ZNF678: variants seen among roughly 807,000 people sequenced by gnomAD.
ZNF678 encodes zinc finger protein 678, also known as hypothetical protein MGC42493.
A neutral mutation model predicts 3.0 loss-of-function variants in ZNF678; 5 were observed. The observed-to-expected ratio is 1.69, with a 90% CI of 0.88 to 3.56. The LOEUF is 3.56. Among genes scored for constraint, ZNF678 ranks in the 30% most tolerant of loss-of-function variants. The probability of loss-of-function intolerance (pLI) is 0.00; values close to 1 mark genes in which losing one functional copy is unlikely to be tolerated. For synonymous variants in ZNF678, 218 were observed against 199.6 expected, an observed-to-expected ratio of 1.09 and a Z score of -0.78; for missense variants, 593 against 605.0, an observed-to-expected ratio of 0.98 and a Z score of 0.21.
chr1:227,588,049 A>G (rs527780623), intron 1 of ZNF678, among the ~76,000 whole-genome samples: 34 of 152,028 alleles, frequency 2.2e-4, no homozygotes, highest in African/African-American at 6.0e-4. Context: ...TTTCTCATCA[A>G]TTAGCTCCCA....
chr1:227,652,640 C>T (rs1434257656), intron 3 of ZNF678, among the ~76,000 whole-genome samples: 1 of 152,042 alleles, frequency 6.6e-6, no homozygotes, highest in Admixed American at 6.6e-5. Context: ...AGCTTAACTT[C>T]AGTTGCATAC....
In ZNF678 at chr1:227,655,785, C is replaced by T; in HGVS notation, c.1535C>T (p.Thr512Ile). The T allele has an allele frequency of 3.8e-6, 6 of 1,595,824 alleles. No homozygotes were observed. The highest frequency in any genetic ancestry group is 4.3e-6 in the Non-Finnish European group (5 of 1,172,862). Residue 512 changes from threonine to isoleucine, a missense_variant, in exon 4 of 4, where the codon ACT becomes ATT. Transcript: ENST00000343776. ...CATAGTAAGTATAAGAGAATTTATACTGGAGAGGAACCTGACAAATGTAAA... is the reference window on the plus strand; with the variant it reads ...CATAGTAAGTATAAGAGAATTTATATTGGAGAGGAACCTGACAAATGTAAA... ...SIHSKYKRIYTGEEPDKCKKC... is the reference protein window; with the variant it reads ...SIHSKYKRIYIGEEPDKCKKC...
At chr1:227,589,648 G>A (rs576126997) in intron 1 of ZNF678, among the ~76,000 whole-genome samples, 1 of 151,636 alleles carries the variant, frequency 6.6e-6, no homozygotes, top group South Asian at 2.1e-4. Context: ...GAGCAAGCAG[G>A]GGGTGCATGA....
At chr1:227,603,538 G>A (rs1043680193) in intron 1 of ZNF678, among the ~76,000 whole-genome samples, 3 of 152,168 alleles carry the variant, frequency 2.0e-5, no homozygotes, top group Non-Finnish European at 4.4e-5. Context: ...CACTGGGCCC[G>A]ACTCCAGGTG....
chr1:227,593,437 G>T (rs1431640878), intron 1 of ZNF678, among the ~76,000 whole-genome samples: 1 of 152,104 alleles, frequency 6.6e-6, no homozygotes, highest in Admixed American at 6.5e-5. Flanking sequence ...CCCTTTAGTG[G>T]TCCACAGAAT....
At chr1:227,650,223 G>A (rs1659056670) in intron 2 of ZNF678, among the ~76,000 whole-genome samples, 2 of 152,150 alleles carry the variant, frequency 1.3e-5, no homozygotes. Flanking sequence ...TCACTTGCAT[G>A]TAGATATTCT....
At position 227,603,218 on chromosome 1, in the gene ZNF678, C is replaced by T. The variant is rs78965901; in HGVS notation, c.-164+39494C>T. Reference sequence around the variant, plus strand: ...CAGAGCTCCAAATCTGTTCCTCCCACGTCATGATGGGCATGGGGCGGGGGG... The same window carrying T: ...CAGAGCTCCAAATCTGTTCCTCCCATGTCATGATGGGCATGGGGCGGGGGG... On this transcript the variant is annotated intron_variant, in intron 1 of 3. Transcript: ENST00000343776. Among the ~76,000 whole-genome samples the T allele has an allele frequency of 4.2e-3, 642 of 152,250 alleles. 4 individuals are homozygous for T. Among genetic ancestry groups the T allele is most frequent in the African/African-American group, 0.014 (593 of 41,532 alleles).
chr1:227,607,581 C>T (rs990011354), intron 1 of ZNF678, among the ~76,000 whole-genome samples: 2 of 150,746 alleles, frequency 1.3e-5, no homozygotes, highest in Non-Finnish European at 3.0e-5. Flanking sequence ...GATCATTTGA[C>T]GAATCAGTGG....
chr1:227,624,264 A>G (rs1658352468), intron 1 of ZNF678, among the ~76,000 whole-genome samples: 1 of 152,200 alleles, frequency 6.6e-6, no homozygotes, highest in South Asian at 2.1e-4. Flanking sequence ...ATACAGCTGG[A>G]GGGGCAGAGC....
intron 1 of ZNF678, among the ~76,000 whole-genome samples, chr1:227,595,983 A>G (rs962786974): frequency 1.3e-5 from 2 of 152,182 alleles, no homozygotes; most frequent in African/African-American, 4.8e-5. Context: ...GGAGTGGGCA[A>G]GTTCTCGAGA....
At chr1:227,579,302 G>A (rs1244689578) in intron 1 of ZNF678, among the ~76,000 whole-genome samples, 1 of 152,130 alleles carries the variant, frequency 6.6e-6, no homozygotes, top group Non-Finnish European at 1.5e-5. Context: ...TAGGGCCAGG[G>A]TGCTAGTGGT....
chr1:227,601,389 G>A (rs941505514), intron 1 of ZNF678, among the ~76,000 whole-genome samples: 2 of 151,518 alleles, frequency 1.3e-5, no homozygotes, highest in African/African-American at 4.8e-5. Flanking sequence ...AAATTTGTTT[G>A]TGTCATCTCT....
At chr1:227,566,992 A>T (rs1466868311) in intron 1 of ZNF678, among the ~76,000 whole-genome samples, 1 of 152,230 alleles carries the variant, frequency 6.6e-6, no homozygotes, top group Non-Finnish European at 1.5e-5. Context: ...TGGTAGATTA[A>T]TTGGTAAATT....
At chr1:227,586,245 C>T (rs1244028205) in intron 1 of ZNF678, among the ~76,000 whole-genome samples, 1 of 152,038 alleles carries the variant, frequency 6.6e-6, no homozygotes, top group South Asian at 2.1e-4. Flanking sequence ...TTCAAATGAA[C>T]AACAAAATAT....
At chr1:227,620,097 A>G (rs1320633063) in intron 1 of ZNF678, among the ~76,000 whole-genome samples, 1 of 152,196 alleles carries the variant, frequency 6.6e-6, no homozygotes, top group Non-Finnish European at 1.5e-5. Flanking sequence ...AGTAGAGTGT[A>G]TGGAGCTCCC....
At chr1:227,662,748 T>C (rs1277746351), downstream of ZNF678, among the ~76,000 whole-genome samples, 3 of 152,302 alleles carry the variant, frequency 2.0e-5, no homozygotes, top group East Asian at 3.9e-4. Flanking sequence ...GAACCAGCGA[T>C]ATTGAGAGAC....
intron 1 of ZNF678, among the ~76,000 whole-genome samples, chr1:227,608,864 G>A (rs1442254628): frequency 6.6e-6 from 1 of 152,122 alleles, no homozygotes; most frequent in Non-Finnish European, 1.5e-5. Flanking sequence ...GACAGTTGAT[G>A]ATCTTGTGAT....
chr1:227,592,255 G>T (rs1467894286), intron 1 of ZNF678, among the ~76,000 whole-genome samples: 2 of 152,220 alleles, frequency 1.3e-5, no homozygotes, highest in Non-Finnish European at 2.9e-5. Context: ...AGCTAATGAT[G>T]TCCTTTGGTA....
At position 227,610,883 on chromosome 1, in the gene ZNF678, A is replaced by C. The variant is rs117750367; in HGVS notation, c.-163-35661A>C. Reference sequence around the variant, plus strand: ...CACTTTCTTAACCTTTTAACTTCCCAGTCTGGCCCTTTTTCAAGGCCAGGG... The same window carrying C: ...CACTTTCTTAACCTTTTAACTTCCCCGTCTGGCCCTTTTTCAAGGCCAGGG... On this transcript the variant is annotated intron_variant, in intron 1 of 3. Transcript: ENST00000343776. Among the ~76,000 whole-genome samples, 697 of 152,272 alleles carry C rather than the reference A, an allele frequency of 4.6e-3. 20 individuals carry two copies. The South Asian group carries it at 0.057, about 12-fold the overall frequency.
Sources: gnomAD v4.1 joint callset for allele counts (sites outside exome capture counted in the v4.1 genomes callset) on GRCh38, gnomAD v4.1.1 for gene constraint, MANE v1.5 for transcripts, NCBI Gene and HGNC (gene_info 2026-07-23, HGNC 2026-07-21) for gene names.